The following KCND3 variants were observed in gnomAD, a reference collection of about 807,000 sequenced individuals.
KCND3 encodes A-type voltage-gated potassium channel KCND3.
Under a neutral mutation model 51.1 loss-of-function variants are expected in KCND3, and 9 were observed. That is an observed-to-expected ratio of 0.18 (90% CI 0.11 to 0.31). The LOEUF is 0.31. Ranked by LOEUF, KCND3 falls within the 10% of genes least tolerant of loss-of-function variation. The pLI, the probability that KCND3 is intolerant of heterozygous loss-of-function variation, is 1.00. For synonymous variants in KCND3, 349 were observed against 368.0 expected, an observed-to-expected ratio of 0.95 and a Z score of 0.59; for missense variants, 526 against 903.8, an observed-to-expected ratio of 0.58 and a Z score of 5.36.
intron 2 of KCND3, among the ~76,000 whole-genome samples, chr1:111,936,182 C>T (rs963169545): frequency 6.6e-6 from 1 of 152,196 alleles, no homozygotes; most frequent in Non-Finnish European, 1.5e-5. Flanking sequence ...AGTTTGAAGA[C>T]TGGCTGTGTC....
chr1:111,792,401 C>T (rs1386695148), intron 2 of KCND3, among the ~76,000 whole-genome samples: 1 of 152,142 alleles, frequency 6.6e-6, no homozygotes, highest in Non-Finnish European at 1.5e-5. Context: ...CTGCTCTTTC[C>T]GTCATATCCT....
chr1:111,943,581 C>T (rs935437904), intron 2 of KCND3, among the ~76,000 whole-genome samples: 14 of 152,172 alleles, frequency 9.2e-5, no homozygotes, highest in African/African-American at 1.9e-4. Flanking sequence ...CTGGGCTAGC[C>T]GTTGCCCTTT....
intron 1 of KCND3, among the ~76,000 whole-genome samples, chr1:111,983,071 T>C (rs1012231844): frequency 5.2e-4 from 79 of 152,154 alleles, no homozygotes; most frequent in African/African-American, 1.9e-3. Flanking sequence ...TCAAGAGCAT[T>C]TGGAGGGAAG....
chr1:111,799,870 G>A (rs958170915), intron 2 of KCND3, among the ~76,000 whole-genome samples: 2 of 152,236 alleles, frequency 1.3e-5, no homozygotes, highest in African/African-American at 4.8e-5. Context: ...GAAAGGAGAT[G>A]TCATCAACTT....
intron 2 of KCND3, among the ~76,000 whole-genome samples, chr1:111,867,058 A>T (rs7529385): frequency 0.44 from 66,717 of 152,056 alleles, 15,617 homozygotes; most frequent in Middle Eastern, 0.53. Context: ...TGGATAAGTT[A>T]CCTAACTTCT....
chr1:111,821,041 G>C (rs1213031864), intron 2 of KCND3, among the ~76,000 whole-genome samples: 1 of 152,230 alleles, frequency 6.6e-6, no homozygotes, highest in Non-Finnish European at 1.5e-5. Flanking sequence ...TTCTAAGCTA[G>C]CTAGTTTGTG....
At chr1:111,847,765 G>A (rs1285144688) in intron 2 of KCND3, among the ~76,000 whole-genome samples, 1 of 152,204 alleles carries the variant, frequency 6.6e-6, no homozygotes, top group Non-Finnish European at 1.5e-5. Context: ...GAGGGAGGAT[G>A]GCGGGAACAG....
intron 6 of KCND3, 111 bp from the exon 7 acceptor site, chr1:111,777,384 T>C: frequency 8.6e-7 from 1 of 1,162,584 alleles, no homozygotes; most frequent in Non-Finnish European, 1.3e-6. Context: ...AAGGAAGGGC[T>C]CCCAGCTGCC....
At chr1:111,787,197 A>G (rs1443468183) in intron 2 of KCND3, 91 bp from the exon 3 acceptor site, 2 of 1,310,138 alleles carry the variant, frequency 1.5e-6, no homozygotes, top group African/African-American at 2.9e-5. Context: ...CTGTTTATTC[A>G]TTCATTCATT....
chr1:111,912,820 G>T (rs72692597), intron 2 of KCND3, among the ~76,000 whole-genome samples: 37,715 of 151,962 alleles, frequency 0.25, 5,090 homozygotes, highest in Non-Finnish European at 0.31. Flanking sequence ...TTTTTATAAC[G>T]GTACAACGTA....
intron 2 of KCND3, among the ~76,000 whole-genome samples, chr1:111,839,070 T>C (rs924121251): frequency 6.6e-6 from 1 of 152,248 alleles, no homozygotes; most frequent in African/African-American, 2.4e-5. Flanking sequence ...ACAATCTATT[T>C]ACTGCTCTAT....
chr1:111,816,320 G>T (rs1452767125), intron 2 of KCND3, among the ~76,000 whole-genome samples: 1 of 152,260 alleles, frequency 6.6e-6, no homozygotes, highest in East Asian at 1.9e-4. Flanking sequence ...GACCTGGTAG[G>T]CTGTCAAGTC....
intron 2 of KCND3, among the ~76,000 whole-genome samples, chr1:111,944,378 G>A (rs948553799): frequency 1.3e-5 from 2 of 152,236 alleles, no homozygotes; most frequent in Admixed American, 1.3e-4. Context: ...GCCAAATGGT[G>A]CCCTTGATTG....
Position 111,888,836 on chromosome 1 carries a change from G to A in KCND3, c.1106+92785C>T, listed in dbSNP as rs75942408. Reference sequence around the variant, plus strand: ...GCACAGAGAGGCAAGCATGCATTAAGAAAGGGAAGAGAAGAAAGAACCCTG... The same window carrying A: ...GCACAGAGAGGCAAGCATGCATTAAAAAAGGGAAGAGAAGAAAGAACCCTG... On this transcript the variant is annotated intron_variant, in intron 2 of 7. Transcript: ENST00000302127. Among the ~76,000 whole-genome samples the A allele has an allele frequency of 5.9e-3, 903 of 152,146 alleles. 3 individuals are homozygous for A. Among genetic ancestry groups the A allele is most frequent in the Non-Finnish European group, 7.5e-3 (507 of 67,970 alleles).
At chr1:111,776,594 G>A (rs1464280663) in intron 7 of KCND3, among the ~76,000 whole-genome samples, 1 of 152,170 alleles carries the variant, frequency 6.6e-6, no homozygotes, top group African/African-American at 2.4e-5. Flanking sequence ...GTAGTGGGAA[G>A]TGGCCTAAAT....
chr1:111,891,415 G>A (rs937897551), intron 2 of KCND3, among the ~76,000 whole-genome samples: 2 of 152,154 alleles, frequency 1.3e-5, no homozygotes, highest in Non-Finnish European at 2.9e-5. Flanking sequence ...AGCCTGAATG[G>A]TCCATCAGAG....
chr1:111,837,944 T>C (rs1369848451), intron 2 of KCND3, among the ~76,000 whole-genome samples: 1 of 152,170 alleles, frequency 6.6e-6, no homozygotes, highest in Admixed American at 6.5e-5. Flanking sequence ...ACTGGGTGTT[T>C]TGGGGGGAGA....
intron 2 of KCND3, among the ~76,000 whole-genome samples, chr1:111,960,149 A>C (rs1486971287): frequency 6.6e-6 from 1 of 151,944 alleles, no homozygotes; most frequent in East Asian, 1.9e-4. Flanking sequence ...TCTTGTCTTG[A>C]GTGTGTCTTT....
At chr1:111,978,127 A>ATTGGTAT (rs1674745801) in intron 2 of KCND3, among the ~76,000 whole-genome samples, 1 of 152,198 alleles carries the variant, frequency 6.6e-6, no homozygotes, top group Non-Finnish European at 1.5e-5. Flanking sequence ...TGAGATATTA[A>ATTGGTAT]CTAAACGGTA....
Sources: gnomAD v4.1 joint callset for allele counts (sites outside exome capture counted in the v4.1 genomes callset) on GRCh38, gnomAD v4.1.1 for gene constraint, MANE v1.5 for transcripts, NCBI Gene and HGNC (gene_info 2026-07-23, HGNC 2026-07-21) for gene names.